Variants in RAB28 observed in about 807,000 individuals in gnomAD.
RAB28 encodes RAB28, member RAS oncogene family.
In RAB28, 24 loss-of-function variants were observed where a neutral mutation model predicts 31.7. The ratio of observed to expected loss-of-function variants is 0.76; its 90% CI spans 0.55 to 1.06. RAB28 has a LOEUF of 1.06. Ranked by LOEUF, RAB28 falls within the 50% of genes least tolerant of loss-of-function variation. The probability of loss-of-function intolerance (pLI) is 0.00; values close to 1 mark genes in which losing one functional copy is unlikely to be tolerated. For missense variants in RAB28, 254 were observed against 258.5 expected (o/e 0.98, Z 0.12); for synonymous variants, 100 against 90.4 (o/e 1.11, Z -0.60).
At chr4:13,383,754 G>A (rs1169891079) in intron 4 of RAB28, among the ~76,000 whole-genome samples, 4 of 152,142 alleles carry the variant, frequency 2.6e-5, no homozygotes, top group African/African-American at 4.8e-5. Flanking sequence ...TTTATAAAGG[G>A]CAGTTCCCCT....
intron 1 of RAB28, among the ~76,000 whole-genome samples, chr4:13,482,460 T>C (rs376492133): frequency 6.6e-6 from 1 of 152,138 alleles, no homozygotes; most frequent in Non-Finnish European, 1.5e-5. Context: ...TCATTTTAAA[T>C]GGGAAATAAG....
At chr4:13,410,180 T>C (rs1712352675) in intron 4 of RAB28, among the ~76,000 whole-genome samples, 1 of 152,182 alleles carries the variant, frequency 6.6e-6, no homozygotes, top group Non-Finnish European at 1.5e-5. Context: ...ATTAAACCTC[T>C]TTTCTTTATA....
At chr4:13,375,504 T>G (rs1209089235) in intron 6 of RAB28, among the ~76,000 whole-genome samples, 1 of 152,240 alleles carries the variant, frequency 6.6e-6, no homozygotes, top group Admixed American at 6.5e-5. Context: ...CCAAGGTCTG[T>G]GTGATCAAGC....
At chr4:13,467,249 G>A (rs1373596618) in intron 3 of RAB28, among the ~76,000 whole-genome samples, 1 of 151,578 alleles carries the variant, frequency 6.6e-6, no homozygotes, top group Non-Finnish European at 1.5e-5. Context: ...ATTTCACATT[G>A]TATTGATAAA....
intron 4 of RAB28, among the ~76,000 whole-genome samples, chr4:13,394,347 A>C (rs1025659497): frequency 6.6e-6 from 1 of 152,168 alleles, no homozygotes. Context: ...GATTTTCATA[A>C]GGAACACACA....
At chr4:13,388,660 T>C (rs956102657) in intron 4 of RAB28, among the ~76,000 whole-genome samples, 2 of 151,974 alleles carry the variant, frequency 1.3e-5, no homozygotes, top group African/African-American at 4.8e-5. Flanking sequence ...AAAGAACACC[T>C]ACAACTCAAC....
chr4:13,384,461 A>C (rs1577158595), intron 4 of RAB28, among the ~76,000 whole-genome samples: 1 of 152,330 alleles, frequency 6.6e-6, no homozygotes, highest in South Asian at 2.1e-4. Flanking sequence ...AGTACCACCT[A>C]CTGAAGTGTA....
chr4:13,418,528 A>G (rs1712930223), intron 4 of RAB28, among the ~76,000 whole-genome samples: 1 of 152,226 alleles, frequency 6.6e-6, no homozygotes, highest in Non-Finnish European at 1.5e-5. Context: ...TCACAAGGGG[A>G]AGCCCATCAG....
At chr4:13,444,804 T>C (rs1000240523) in intron 4 of RAB28, among the ~76,000 whole-genome samples, 2 of 152,196 alleles carry the variant, frequency 1.3e-5, no homozygotes, top group African/African-American at 4.8e-5. Flanking sequence ...GGTCATCCAA[T>C]CCCAGTGGCT....
chr4:13,391,678 AGATT>A (rs966717726), intron 4 of RAB28, among the ~76,000 whole-genome samples: 2 of 152,168 alleles, frequency 1.3e-5, no homozygotes, highest in Non-Finnish European at 2.9e-5. Context: ...ATGATAGACT[AGATT>A]AAGAAAATGT....
intron 4 of RAB28, among the ~76,000 whole-genome samples, chr4:13,411,345 T>C (rs1712432024): frequency 6.6e-6 from 1 of 152,162 alleles, no homozygotes; most frequent in Non-Finnish European, 1.5e-5. Flanking sequence ...AACAAAAAGT[T>C]GGTCCATTAA....
At chr4:13,435,777 C>T (rs886353073) in intron 4 of RAB28, among the ~76,000 whole-genome samples, 2 of 152,030 alleles carry the variant, frequency 1.3e-5, no homozygotes, top group Non-Finnish European at 2.9e-5. Flanking sequence ...CATTTCACAG[C>T]CAAAATCTAC....
intron 2 of RAB28, among the ~76,000 whole-genome samples, chr4:13,478,192 G>A (rs889856903): frequency 4.0e-5 from 6 of 151,524 alleles, no homozygotes; most frequent in South Asian, 4.1e-4. Flanking sequence ...TAGATTATCC[G>A]TAAGAGTGAG....
At chr4:13,378,623 A>G (rs1387430589) in intron 5 of RAB28, among the ~76,000 whole-genome samples, 1 of 152,200 alleles carries the variant, frequency 6.6e-6, no homozygotes, top group Non-Finnish European at 1.5e-5. Context: ...AAAAAATAAT[A>G]CATATGAAAG....
chr4:13,468,146 A>G lies in RAB28; in HGVS notation c.261+6172T>C, dbSNP rs568661444. 3.3e-5 allele frequency among the ~76,000 whole-genome samples: 5 copies of G among 152,122 alleles called. No individual in the cohort carries two copies. In the East Asian group the frequency reaches 7.8e-4, roughly 24 times the overall value. ...CTGACAGAACTGCAAGGAGTTCCAA[A>G]TCTGCAGATCCCCCTAGAGTTGAAG... On this transcript the variant is annotated intron_variant, in intron 3 of 6. Coordinates refer to ENST00000330852, the MANE Select transcript of RAB28 (RefSeq NM_001017979.3).
At chr4:13,371,984 A>T in intron 6 of RAB28, 1 of 972,148 alleles carries the variant, frequency 1.0e-6, no homozygotes, top group Non-Finnish European at 1.6e-6. Flanking sequence ...TAAGCAAGAA[A>T]GCAACCTATG....
At chr4:13,377,608 T>C (rs539986148) in intron 5 of RAB28, among the ~76,000 whole-genome samples, 2 of 152,298 alleles carry the variant, frequency 1.3e-5, no homozygotes, top group African/African-American at 4.8e-5. Context: ...GGAAGGACTT[T>C]GGCGTTTACT....
chr4:13,376,222 C>T (rs1394750139), intron 6 of RAB28, among the ~76,000 whole-genome samples: 1 of 152,006 alleles, frequency 6.6e-6, no homozygotes, highest in Non-Finnish European at 1.5e-5. Context: ...TGAATAGAGG[C>T]TCCAAAAGGA....
intron 4 of RAB28, among the ~76,000 whole-genome samples, chr4:13,420,695 A>G (rs1713080712): frequency 1.3e-5 from 2 of 152,236 alleles, no homozygotes; most frequent in African/African-American, 2.4e-5. Flanking sequence ...AGGCCTTGAC[A>G]GAATTCAACA....
Sources: allele counts gnomAD v4.1 joint callset (sites outside exome capture counted in the v4.1 genomes callset), GRCh38; gene constraint gnomAD v4.1.1; transcripts MANE v1.5; gene names NCBI Gene and HGNC (gene_info 2026-07-23, HGNC 2026-07-21).